Variants in TBK1 observed in about 807,000 individuals in gnomAD.
TBK1 encodes the protein serine/threonine-protein kinase TBK1.
A neutral mutation model predicts 99.9 loss-of-function variants in TBK1; 37 were observed. The ratio of observed to expected loss-of-function variants is 0.37; its 90% CI spans 0.28 to 0.49. The LOEUF (loss-of-function observed/expected upper bound fraction) is 0.49. Among genes scored for constraint, TBK1 ranks in the 20% least tolerant of loss-of-function variants. The pLI, the probability that TBK1 is intolerant of heterozygous loss-of-function variation, is 0.98. For missense variants in TBK1, 644 were observed against 872.5 expected (o/e 0.74, Z 3.30); for synonymous variants, 258 against 279.8 (o/e 0.92, Z 0.78).
intron 19 of TBK1, 102 bp from the exon 20 acceptor site, chr12:64,497,866 A>C: frequency 2.9e-6 from 4 of 1,386,458 alleles, no homozygotes; most frequent in Non-Finnish European, 4.0e-6. Context: ...ACAATGTTTA[A>C]TAAGGTTATC....
At chr12:64,452,591 GT>G (rs980438853) in intron 1 of TBK1, 1 of 152,186 alleles carries the variant, frequency 6.6e-6, no homozygotes. Flanking sequence ...TAGACTCGCT[GT>G]TTTCTACCCT....
At chr12:64,497,119 T>G in intron 17 of TBK1, 44 bp from the exon 18 acceptor site, 8 of 1,583,192 alleles carry the variant, frequency 5.1e-6, no homozygotes, top group Non-Finnish European at 6.9e-6. Flanking sequence ...GAAGTAAGAA[T>G]GCTTCACTAG....
intron 15 of TBK1, 31 bp from the exon 16 acceptor site, chr12:64,496,332 ATATT>A: frequency 2.0e-6 from 2 of 1,021,268 alleles, no homozygotes; most frequent in Non-Finnish European, 2.9e-6. Flanking sequence ...TTATGATTCT[ATATT>A]AACAACAGTA....
At chr12:64,495,330 A>T (rs544347056) in intron 13 of TBK1, 153 bp from the exon 14 acceptor site, 1 of 949,236 alleles carries the variant, frequency 1.1e-6, no homozygotes, top group Admixed American at 2.7e-5. Context: ...AACCTAAGAA[A>T]CTCTTTTGTA....
intron 11 of TBK1, among the ~76,000 whole-genome samples, chr12:64,488,035 A>T (rs949519983): frequency 6.6e-6 from 1 of 152,226 alleles, no homozygotes; most frequent in Non-Finnish European, 1.5e-5. Context: ...ACCAGTATGT[A>T]TATATGCAAA....
intron 2 of TBK1, among the ~76,000 whole-genome samples, chr12:64,456,606 C>T (rs564809788): frequency 1.1e-4 from 16 of 152,114 alleles, no homozygotes; most frequent in South Asian, 2.1e-4. Flanking sequence ...TTTGGGAGGC[C>T]GAGGCAGGCG....
intron 8 of TBK1, among the ~76,000 whole-genome samples, chr12:64,483,083 A>G (rs1399455830): frequency 6.6e-6 from 1 of 152,208 alleles, no homozygotes; most frequent in Non-Finnish European, 1.5e-5. Context: ...GTTTTGTAAA[A>G]AGCTCACCCA....
At chr12:64,488,418 G>GT in intron 11 of TBK1, 69 bp from the exon 12 acceptor site, 1 of 862,764 alleles carries the variant, frequency 1.2e-6, no homozygotes, top group Non-Finnish European at 1.8e-6. Context: ...TAGTACTGCA[G>GT]TATAATTAGT....
At chr12:64,452,240 G>A (rs1009818522) in intron 1 of TBK1, 53 bp downstream of exon 1, 1 of 152,172 alleles carries the variant, frequency 6.6e-6, no homozygotes, top group Non-Finnish European at 1.5e-5. Flanking sequence ...GGCGCGGTCG[G>A]TCAGGCCTGC....
chr12:64,463,476 A>T (rs996852586), intron 3 of TBK1, among the ~76,000 whole-genome samples: 1 of 151,998 alleles, frequency 6.6e-6, no homozygotes, highest in African/African-American at 2.4e-5. Context: ...AGGCAGGCAG[A>T]TTGCTTGAGC....
intron 3 of TBK1, among the ~76,000 whole-genome samples, chr12:64,462,774 T>C (rs1388487607): frequency 6.6e-6 from 1 of 152,228 alleles, no homozygotes; most frequent in South Asian, 2.1e-4. Flanking sequence ...TCTGAAATTG[T>C]CATGCATCTT....
chr12:64,488,460 C>T, intron 11 of TBK1, 27 bp from the exon 12 acceptor site: 1 of 1,401,706 alleles, frequency 7.1e-7, no homozygotes, highest in African/African-American at 1.5e-5. Flanking sequence ...CTTAGATAAA[C>T]TAATTAGAAT....
chr12:64,488,126 AAG>A (rs1348279796), intron 11 of TBK1, among the ~76,000 whole-genome samples: 1 of 152,238 alleles, frequency 6.6e-6, no homozygotes, highest in Non-Finnish European at 1.5e-5. Flanking sequence ...AATTGGTTTA[AAG>A]TATAAATCAG....
At position 64,501,425 on chromosome 12, in the gene TBK1, A is replaced by T; in HGVS notation, c.*44A>T. 1 of 1,595,636 alleles carries T rather than the reference A, an allele frequency of 6.3e-7. No individual in the cohort carries two copies. The highest frequency in any genetic ancestry group is 8.6e-7 in the Non-Finnish European group (1 of 1,167,096). On this transcript the variant is annotated 3_prime_UTR_variant, in exon 21 of 21. Coordinates refer to ENST00000331710, the MANE Select transcript of TBK1 (RefSeq NM_013254.4). ...AGAAAAGTTTCCGTTTGCACAAGAA[A>T]ATAACGCTTGGGCATTAAATGAATG...
chr12:64,501,403 A>T lies in TBK1; in HGVS notation c.*22A>T, dbSNP rs777425295. On this transcript the variant is annotated 3_prime_UTR_variant, in exon 21 of 21. Transcript: ENST00000331710. ...TTAGCTTTCTAATAGAAGTTTAAGA[A>T]AAGTTTCCGTTTGCACAAGAAAATA... is the stretch of plus-strand genomic sequence containing the variant. The T allele has an allele frequency of 6.2e-7, 1 of 1,611,746 alleles. No homozygotes were observed. Among genetic ancestry groups the T allele is most frequent in the East Asian group, 2.2e-5 (1 of 44,856 alleles).
chr12:64,459,793 G>T (rs1327493989), intron 2 of TBK1, among the ~76,000 whole-genome samples: 3 of 152,132 alleles, frequency 2.0e-5, no homozygotes, highest in Non-Finnish European at 4.4e-5. Flanking sequence ...GCTTTGATTA[G>T]TTTAAAATTA....
chr12:64,497,137 A>C, intron 17 of TBK1, 26 bp from the exon 18 acceptor site: 1 of 1,580,738 alleles, frequency 6.3e-7, no homozygotes, highest in Non-Finnish European at 8.6e-7. Flanking sequence ...TAGACTGCAT[A>C]TCAATTGATT....
At chr12:64,458,820 T>C (rs1037310650) in intron 2 of TBK1, among the ~76,000 whole-genome samples, 3 of 152,210 alleles carry the variant, frequency 2.0e-5, no homozygotes, top group Admixed American at 6.5e-5. Context: ...GATTTGGCAG[T>C]GTCTTAACCC....
chr12:64,484,531 A>G (rs1054560698), intron 9 of TBK1, 32 bp downstream of exon 9: 2 of 1,571,938 alleles, frequency 1.3e-6, no homozygotes, highest in African/African-American at 2.7e-5. Flanking sequence ...CGTTCTTACT[A>G]GCCATTAGAA....
Sources: allele counts gnomAD v4.1 joint callset (sites outside exome capture counted in the v4.1 genomes callset), GRCh38; gene constraint gnomAD v4.1.1; transcripts MANE v1.5; gene names NCBI Gene and HGNC (gene_info 2026-07-23, HGNC 2026-07-21).